MRPS2: variants seen among roughly 807,000 people sequenced by gnomAD.
MRPS2 encodes small ribosomal subunit protein uS2m.
A neutral mutation model predicts 18.9 loss-of-function variants in MRPS2; 13 were observed. The ratio of observed to expected loss-of-function variants is 0.69; its 90% CI spans 0.45 to 1.09. MRPS2 has a LOEUF of 1.09. Among genes scored for constraint, MRPS2 ranks in the 50% least tolerant of loss-of-function variants. The pLI is 0.00. For missense variants in MRPS2, 389 were observed against 421.7 expected, an observed-to-expected ratio of 0.92 and a Z score of 0.68; for synonymous variants, 186 against 178.4, an observed-to-expected ratio of 1.04 and a Z score of -0.34.
Position 135,503,799 on chromosome 9 carries a change from C to T in MRPS2, c.557C>T (p.Thr186Met), listed in dbSNP as rs1232769455. The T allele has an allele frequency of 6.2e-6, 10 of 1,612,932 alleles. No homozygotes were observed. Among genetic ancestry groups the T allele is most frequent in the African/African-American group, 5.3e-5 (4 of 74,934 alleles). The change falls in exon 4 of 4, where the codon ACG (threonine) becomes ATG (methionine). Residue 186 changes from threonine (T) to methionine (M), a missense_variant. By Grantham distance (81) the Thr-to-Met change is moderately conservative. Transcript: ENST00000241600. ...LTNARLLFGP[T>M]VRLPDLIIFL... The stretch of plus-strand genomic sequence containing the variant: ...AACGCGCGCCTCCTCTTTGGCCCCA[C>T]GGTCCGCCTGCCGGACCTCATCATC...
At position 135,503,646 on chromosome 9, in the gene MRPS2, TG is replaced by T. The variant is rs781496923; in HGVS notation, c.406del (p.Ala136ProfsTer10). 9.9e-6 allele frequency: 16 copies of T among 1,613,848 alleles called. No individual in the cohort carries two copies. Among genetic ancestry groups the T allele is most frequent in the Non-Finnish European group, 1.4e-5 (16 of 1,180,026 alleles). On this transcript the variant is annotated frameshift_variant, in exon 4 of 4. Coordinates refer to ENST00000241600, the MANE Select transcript of MRPS2 (RefSeq NM_016034.5). LOFTEE classifies it high-confidence loss of function. Reference sequence around the variant, plus strand: ...CTGGCCTTGAACTTCACCGCCCACATGGCCTACCGCAAGGGCATCATCTTGT... The same window carrying T: ...CTGGCCTTGAACTTCACCGCCCACATGCCTACCGCAAGGGCATCATCTTGT... Reference protein sequence around the residue: ...LQLALNFTAHMAYRKGIILFI... With the variant: ...LQLALNFTAHXAYRKGIILFI...
intron 1 of MRPS2, 86 bp downstream of exon 1, chr9:135,500,839 TG>T (rs1201999514): frequency 6.8e-7 from 1 of 1,475,398 alleles, no homozygotes; most frequent in Non-Finnish European, 9.0e-7. Context: ...GGCGGGGACG[TG>T]GAGGGGACCC....
rs1831245324 is a variant in MRPS2, at chr9:135,504,473, T to C, written c.*340T>C. On this transcript the variant is annotated 3_prime_UTR_variant, in exon 4 of 4. Coordinates refer to ENST00000241600, the MANE Select transcript of MRPS2 (RefSeq NM_016034.5). The surrounding 1 kb of genome is among the most constrained non-coding windows in gnomAD (Gnocchi z 4.3). ...TCCCTTCACCGTGACCCCTGACCTT[T>C]GTCAGGAAGGTGCAGTTTTTCTTCT... is the stretch of plus-strand genomic sequence containing the variant. 3 of 281,660 alleles carry C rather than the reference T, an allele frequency of 1.1e-5. No homozygotes were observed. In the South Asian group the frequency reaches 2.4e-4, roughly 23 times the overall value. 17.4% of individuals were successfully genotyped at this position (281,660 alleles called of 1,614,324 possible).
At chr9:135,501,303 G>C in intron 2 of MRPS2, 180 bp downstream of exon 2, 2 of 1,422,654 alleles carry the variant, frequency 1.4e-6, no homozygotes, top group Non-Finnish European at 1.8e-6. Flanking sequence ...AGCGGGCTGA[G>C]GCCACCGCCT....
At chr9:135,501,434 T>C in intron 2 of MRPS2, 2 of 1,078,256 alleles carry the variant, frequency 1.9e-6, no homozygotes, top group Non-Finnish European at 2.4e-6. Context: ...CGGGCCCAAG[T>C]GACCTGGGGG....
intron 1 of MRPS2, 108 bp from the exon 2 acceptor site, chr9:135,500,890 G>A: frequency 1.3e-6 from 2 of 1,558,066 alleles, no homozygotes; most frequent in African/African-American, 1.4e-5. Flanking sequence ...GCGCGGGGAC[G>A]CGGAGGGGAC....
chr9:135,503,815 C>T lies in MRPS2; in HGVS notation c.573C>T (p.Asp191=), dbSNP rs529195453. ...TTGGCCCCACGGTCCGCCTGCCGGA[C>T]CTCATCATCTTCCTGCACACGCTCA... ...LLFGPTVRLP[D]LIIFLHTLNN... Residue 191 remains aspartate (D), a synonymous_variant, in exon 4 of 4, where the codon GAC becomes GAT. Coordinates refer to ENST00000241600, the MANE Select transcript of MRPS2 (RefSeq NM_016034.5). The T allele has an allele frequency of 5.6e-5, 91 of 1,613,544 alleles. No individual in the cohort carries two copies. In the East Asian group the frequency reaches 1.8e-3, roughly 32 times the overall value.
chr9:135,500,915 GA>G (rs761899895), intron 1 of MRPS2, 82 bp from the exon 2 acceptor site: 1 of 1,589,042 alleles, frequency 6.3e-7, no homozygotes, highest in Admixed American at 1.7e-5. Context: ...TAGGGACGCG[GA>G]GGGGCCCGTT....
intron 3 of MRPS2, 114 bp from the exon 4 acceptor site, chr9:135,503,428 T>C (rs1831197496): frequency 7.2e-7 from 1 of 1,392,360 alleles, no homozygotes; most frequent in Admixed American, 2.7e-5. Context: ...CAGCCCATAG[T>C]GCCCCCACAG....
Position 135,501,091 on chromosome 9 carries a change from C to A in MRPS2, c.137C>A (p.Ala46Asp). 1 of 1,606,396 alleles carries A rather than the reference C, an allele frequency of 6.2e-7. No individual in the cohort carries two copies. ...PSRRTLGSAT[A>D]LMIRESEDST... ...CGCAGGACGCTTGGAAGCGCGACGG[C>A]CCTTATGATCCGCGAGTCGGAGGAC... Residue 46 changes from alanine to aspartate, a missense_variant, in exon 2 of 4, where the codon GCC (alanine) becomes GAC (aspartate). Ala to Asp is a moderately radical substitution (Grantham distance 126, BLOSUM62 -2). Coordinates refer to ENST00000241600, the MANE Select transcript of MRPS2 (RefSeq NM_016034.5).
intron 1 of MRPS2, 96 bp downstream of exon 1, chr9:135,500,849 C>T (rs896345226): frequency 2.7e-6 from 4 of 1,494,468 alleles, no homozygotes; most frequent in Non-Finnish European, 3.6e-6. Flanking sequence ...TGGAGGGGAC[C>T]CGGGGCGAGC....
At chr9:135,500,532 C>A, upstream of MRPS2, 1 of 584,134 alleles carries the variant, frequency 1.7e-6, no homozygotes, top group Non-Finnish European at 2.7e-6. Context: ...AAGCCCAGGA[C>A]CCCGGGCCCT....
Position 135,501,829 on chromosome 9 carries a change from T to C in MRPS2, c.170-15T>C. 1 of 1,612,564 alleles carries C rather than the reference T, an allele frequency of 6.2e-7. No individual in the cohort carries two copies. The highest frequency in any genetic ancestry group is 8.5e-7 in the Non-Finnish European group (1 of 1,179,660). On this transcript the variant is annotated splice_polypyrimidine_tract_variant and intron_variant, in intron 2 of 3. Coordinates refer to ENST00000241600, the MANE Select transcript of MRPS2 (RefSeq NM_016034.5). Reference sequence around the variant, plus strand: ...CCGGTGGGAGACGCAGCGTCGCTCCTCCTCCCTGCCGTAGATTTCAACGAC... The same window carrying C: ...CCGGTGGGAGACGCAGCGTCGCTCCCCCTCCCTGCCGTAGATTTCAACGAC...
chr9:135,500,261 G>C (rs1191836304), upstream of MRPS2: 1 of 276,822 alleles, frequency 3.6e-6, no homozygotes, highest in Non-Finnish European at 6.7e-6. Flanking sequence ...CCAGCACCCC[G>C]AGTCTAAATT....
At chr9:135,500,469 C>A (rs542950644), upstream of MRPS2, 1 of 457,688 alleles carries the variant, frequency 2.2e-6, no homozygotes, top group Non-Finnish European at 3.8e-6. Flanking sequence ...ATTAGCAGGG[C>A]GGGGCGAGCT....
At position 135,500,741 on chromosome 9, in the gene MRPS2, A is replaced by G. The variant is rs1468996391; in HGVS notation, c.31A>G (p.Ile11Val). The change falls in exon 1 of 4, where the codon ATA becomes GTA. Residue 11 changes from isoleucine to valine, a missense_variant. Transcript: ENST00000241600. The part of the protein sequence containing the change: MATSSAALPR[I>V]LGAGARAPSR... ...GACATCCTCGGCCGCGCTGCCCCGA[A>G]TACTCGGCGCGGGTGAGCGCGCGCT... 1 of 1,483,786 alleles carries G rather than the reference A, an allele frequency of 6.7e-7. No individual in the cohort carries two copies. 91.9% of individuals were successfully genotyped at this position (1,483,786 alleles called of 1,614,324 possible).
rs140446652 is a variant in MRPS2, at chr9:135,503,861, G to T, written c.619G>T (p.Val207Leu). 5.1e-5 allele frequency: 82 copies of T among 1,613,928 alleles called. No individual in the cohort carries two copies. The African/African-American group carries it at 9.5e-4, about 19-fold the overall frequency. The part of the protein sequence containing the change: ...HTLNNIFEPH[V>L]AVRDAAKMNI... ...GCTCAACAACATCTTTGAGCCACAC[G>T]TGGCCGTGAGAGACGCAGCCAAGAT... The change falls in exon 4 of 4, where the codon GTG (valine) becomes TTG (leucine). Residue 207 changes from valine to leucine, a missense_variant. Transcript: ENST00000241600.
In MRPS2 at chr9:135,504,348, C is replaced by T. The variant is rs1031228750; in HGVS notation, c.*215C>T. On this transcript the variant is annotated 3_prime_UTR_variant, in exon 4 of 4. Transcript: ENST00000241600. This position sits in a 1 kb window ranked among gnomAD's most constrained non-coding sequence, Gnocchi z 4.3. ...TGGGGAACAGAGCACAGAGGGTGAG[C>T]GACATGTGCAGAACGGCCCCTTGGC... 5 of 597,202 alleles carry T rather than the reference C, an allele frequency of 8.4e-6. No homozygotes were observed. The highest frequency in any genetic ancestry group is 3.1e-5 in the Admixed American group (1 of 32,710). 37.0% of individuals were successfully genotyped at this position (597,202 alleles called of 1,614,324 possible). A position where few individuals can be genotyped will look rare whatever the true frequency, so the allele number is the denominator to read the frequency against.
In MRPS2 at chr9:135,500,988, T is replaced by C; in HGVS notation, c.44-10T>C. The C allele has an allele frequency of 6.2e-7, 1 of 1,611,454 alleles. No homozygotes were observed. Among genetic ancestry groups the C allele is most frequent in the Non-Finnish European group, 8.5e-7 (1 of 1,179,402 alleles). ...ACTCGGCGCCAGGACCTCTATCTAC[T>C]TCCCCCCAGGTGCCCGGGCCCCGTC... On this transcript the variant is annotated splice_polypyrimidine_tract_variant and intron_variant, in intron 1 of 3. Coordinates refer to ENST00000241600, the MANE Select transcript of MRPS2 (RefSeq NM_016034.5).
Sources: allele counts gnomAD v4.1 joint callset, GRCh38; gene constraint gnomAD v4.1.1; non-coding constraint Gnocchi (gnomAD v3.1); transcripts MANE v1.5; gene names NCBI Gene and HGNC (gene_info 2026-07-23, HGNC 2026-07-21).